Variants in EGFLAM observed in about 807,000 individuals in gnomAD.
EGFLAM encodes the protein pikachurin.
EGFLAM carries 79 observed loss-of-function variants against 113.1 expected under a neutral mutation model. That is an observed-to-expected ratio of 0.70 (90% CI 0.58 to 0.84). The LOEUF is 0.84. EGFLAM is among the 40% of genes least tolerant of loss of function. The pLI, the probability that EGFLAM is intolerant of heterozygous loss-of-function variation, is 0.00. For missense variants in EGFLAM, 1,265 were observed against 1,291.6 expected, an observed-to-expected ratio of 0.98 and a Z score of 0.32; for synonymous variants, 504 against 487.6, an observed-to-expected ratio of 1.03 and a Z score of -0.44.
chr5:38,317,841 T>G (rs969756860), intron 1 of EGFLAM, among the ~76,000 whole-genome samples: 1 of 152,146 alleles, frequency 6.6e-6, no homozygotes, highest in Non-Finnish European at 1.5e-5. Context: ...TCTGGCCCAG[T>G]ATGAGGGTAA....
At chr5:38,419,056 T>C (rs1741747084) in intron 12 of EGFLAM, among the ~76,000 whole-genome samples, 2 of 152,168 alleles carry the variant, frequency 1.3e-5, no homozygotes, top group Non-Finnish European at 2.9e-5. Flanking sequence ...TCTCCTTGGC[T>C]TGCAGATGGC....
intron 3 of EGFLAM, 90 bp from the exon 4 acceptor site, chr5:38,350,411 G>C (rs1739589096): frequency 1.6e-6 from 2 of 1,239,140 alleles, no homozygotes; most frequent in Admixed American, 1.9e-5. Flanking sequence ...GTTTCACAGG[G>C]GCCTCGAGAT....
chr5:38,458,243 T>C, intron 19 of EGFLAM, 68 bp from the exon 20 acceptor site: 1 of 1,441,074 alleles, frequency 6.9e-7, no homozygotes, highest in South Asian at 1.4e-5. Context: ...GAATCGTCTG[T>C]GAACCGTGTC....
At chr5:38,313,038 A>G (rs1026280408) in intron 1 of EGFLAM, among the ~76,000 whole-genome samples, 15 of 152,188 alleles carry the variant, frequency 9.9e-5, no homozygotes, top group Admixed American at 7.9e-4. Flanking sequence ...CAGTGAACTG[A>G]GATGGTGCCA....
chr5:38,350,476 A>T, intron 3 of EGFLAM, 25 bp from the exon 4 acceptor site: 1 of 1,608,482 alleles, frequency 6.2e-7, no homozygotes. Flanking sequence ...GATTGTTAGC[A>T]TCTTTCTTGT....
intron 15 of EGFLAM, among the ~76,000 whole-genome samples, chr5:38,432,950 G>C (rs1422894090): frequency 6.6e-6 from 1 of 152,176 alleles, no homozygotes; most frequent in East Asian, 1.9e-4. Flanking sequence ...TGGGTGAATG[G>C]AGCTGACTGG....
At chr5:38,324,174 T>G (rs763534713) in intron 1 of EGFLAM, among the ~76,000 whole-genome samples, 65 of 152,050 alleles carry the variant, frequency 4.3e-4, no homozygotes, top group Non-Finnish European at 8.2e-4. Context: ...CTGGAAGAGA[T>G]TTAGAGAATT....
At chr5:38,366,554 G>C (rs1339120477) in intron 5 of EGFLAM, among the ~76,000 whole-genome samples, 1 of 152,154 alleles carries the variant, frequency 6.6e-6, no homozygotes, top group Non-Finnish European at 1.5e-5. Flanking sequence ...CAAGAAAAGT[G>C]ATTGTTCACT....
chr5:38,320,239 C>G (rs1028250456), intron 1 of EGFLAM, among the ~76,000 whole-genome samples: 10 of 152,182 alleles, frequency 6.6e-5, no homozygotes, highest in African/African-American at 2.4e-4. Flanking sequence ...TATTAGACTA[C>G]ACCACTGGTT....
At chr5:38,296,115 G>C (rs1428302467) in intron 1 of EGFLAM, among the ~76,000 whole-genome samples, 1 of 152,074 alleles carries the variant, frequency 6.6e-6, no homozygotes, top group Non-Finnish European at 1.5e-5. Context: ...GGTAAGAAAT[G>C]ATGTACAGGA....
chr5:38,462,896 G>A lies in EGFLAM; in HGVS notation c.2772-12G>A. The A allele has an allele frequency of 6.2e-7, 1 of 1,612,844 alleles. No homozygotes were observed. The highest frequency in any genetic ancestry group is 8.5e-7 in the Non-Finnish European group (1 of 1,179,556). On this transcript the variant is annotated splice_polypyrimidine_tract_variant and intron_variant, in intron 20 of 21. Transcript: ENST00000322350. ...CAGGCTTTTTGTTCTTTTTTGTTTT[G>A]GTGTTTTGCAGGGATGGCCAGTCAG...
chr5:38,392,524 G>C (rs34963816), intron 6 of EGFLAM, among the ~76,000 whole-genome samples: 4,832 of 151,982 alleles, frequency 0.032, 108 homozygotes, highest in Non-Finnish European at 0.046. Flanking sequence ...GCTCTTTGAG[G>C]AATGTCATAA....
chr5:38,426,151 G>A (rs1290332163), intron 13 of EGFLAM, among the ~76,000 whole-genome samples: 3 of 151,812 alleles, frequency 2.0e-5, no homozygotes, highest in African/African-American at 4.8e-5. Context: ...CGTTAACAAT[G>A]TGATGGGACA....
chr5:38,459,051 T>C (rs558856292), intron 20 of EGFLAM, among the ~76,000 whole-genome samples: 158 of 152,030 alleles, frequency 1.0e-3, no homozygotes, highest in Admixed American at 3.9e-3. Flanking sequence ...GTTTGTTTTG[T>C]TTTGAGACAG....
Position 38,279,645 on chromosome 5 carries a change from T to C in EGFLAM, c.97+20794T>C, listed in dbSNP as rs2561134. On this transcript the variant is annotated intron_variant, in intron 1 of 21. Transcript: ENST00000322350. The stretch of plus-strand genomic sequence containing the variant: ...AAAAACAAATACCACATGGTCTCAC[T>C]CATATGTGGAGTCTAAAAAAGTTGA... 8.9e-4 allele frequency among the ~76,000 whole-genome samples: 135 copies of C among 152,242 alleles called. 1 individual carries two copies. The highest frequency in any genetic ancestry group is 3.1e-3 in the African/African-American group (127 of 41,548).
chr5:38,451,517 T>C, intron 19 of EGFLAM, 59 bp downstream of exon 19: 2 of 1,589,030 alleles, frequency 1.3e-6, no homozygotes, highest in Middle Eastern at 1.7e-4. Context: ...ACATTGCAGA[T>C]CATGCCAGAG....
rs748560517 is a variant in EGFLAM, at chr5:38,303,181, G to A, written c.98-34339G>A. 4.5e-4 allele frequency among the ~76,000 whole-genome samples: 69 copies of A among 152,126 alleles called. 1 individual carries two copies. Among genetic ancestry groups the A allele is most frequent in the Non-Finnish European group, 8.2e-4 (56 of 68,030 alleles). ...AAAGAGAAAAACATTCCCCAAATCT[G>A]AGTTGTCTCCCCAAGTCTACTATAG... On this transcript the variant is annotated intron_variant, in intron 1 of 21. Coordinates refer to ENST00000322350, the MANE Select transcript of EGFLAM (RefSeq NM_152403.4).
chr5:38,439,958 G>C (rs748518444), intron 17 of EGFLAM, among the ~76,000 whole-genome samples: 16 of 152,330 alleles, frequency 1.1e-4, no homozygotes, highest in Non-Finnish European at 1.8e-4. Flanking sequence ...AAATTAAAGG[G>C]AGAAAGAAAG....
chr5:38,421,922 A>C (rs1741837085), intron 12 of EGFLAM, among the ~76,000 whole-genome samples: 1 of 152,154 alleles, frequency 6.6e-6, no homozygotes, highest in African/African-American at 2.4e-5. Flanking sequence ...CTGACAGCTC[A>C]TTAGACGGGG....
Sources: allele counts gnomAD v4.1 joint callset (sites outside exome capture counted in the v4.1 genomes callset), GRCh38; gene constraint gnomAD v4.1.1; transcripts MANE v1.5; gene names NCBI Gene and HGNC (gene_info 2026-07-23, HGNC 2026-07-21).